ROBO2: variants seen among roughly 807,000 people sequenced by gnomAD.
ROBO2 encodes roundabout guidance receptor 2.
ROBO2 carries 53 observed loss-of-function variants against 160.8 expected under a neutral mutation model. The ratio of observed to expected loss-of-function variants is 0.33; its 90% CI spans 0.26 to 0.41. ROBO2 has a LOEUF of 0.41. Ranked by LOEUF, ROBO2 falls within the 10% of genes least tolerant of loss-of-function variation. The pLI, the probability that ROBO2 is intolerant of heterozygous loss-of-function variation, is 1.00. For missense variants in ROBO2, 1,577 were observed against 1,722.4 expected (o/e 0.92, Z 1.49); for synonymous variants, 664 against 611.7 (o/e 1.09, Z -1.26).
At chr3:76,400,115 C>G (rs1447886411) in intron 2 of ROBO2, among the ~76,000 whole-genome samples, 1 of 151,648 alleles carries the variant, frequency 6.6e-6, no homozygotes, top group African/African-American at 2.4e-5. Context: ...ATCTGTTTAG[C>G]TGGTACCCAT....
intron 2 of ROBO2, among the ~76,000 whole-genome samples, chr3:76,672,129 G>C (rs112568399): frequency 9.4e-4 from 143 of 152,132 alleles, no homozygotes; most frequent in African/African-American, 3.2e-3. Flanking sequence ...AGAAATCTTA[G>C]TGAGGGCCAG....
intron 2 of ROBO2, among the ~76,000 whole-genome samples, chr3:76,921,080 C>T (rs1438397239): frequency 6.6e-6 from 1 of 152,036 alleles, no homozygotes; most frequent in Non-Finnish European, 1.5e-5. Flanking sequence ...TTTAGTGAGT[C>T]CTTTCAAGCA....
intron 2 of ROBO2, among the ~76,000 whole-genome samples, chr3:76,181,663 G>C (rs1273178450): frequency 6.6e-6 from 1 of 151,938 alleles, no homozygotes; most frequent in East Asian, 1.9e-4. Flanking sequence ...TTTAGAAAAG[G>C]TTAAAAATTT....
At chr3:76,613,061 C>T (rs2088266762) in intron 2 of ROBO2, among the ~76,000 whole-genome samples, 2 of 152,034 alleles carry the variant, frequency 1.3e-5, no homozygotes, top group Admixed American at 6.6e-5. Context: ...ATTCATTCAG[C>T]CACTCTGTGT....
At chr3:77,054,734 T>C (rs760478616) in intron 1 of ROBO2, among the ~76,000 whole-genome samples, 3 of 152,012 alleles carry the variant, frequency 2.0e-5, no homozygotes, top group Non-Finnish European at 2.9e-5. Flanking sequence ...TAAAAACAAG[T>C]TAAGATGGGC....
chr3:76,320,479 TC>T (rs2072424794), intron 2 of ROBO2, among the ~76,000 whole-genome samples: 2 of 152,266 alleles, frequency 1.3e-5, no homozygotes, highest in South Asian at 2.1e-4. Context: ...CTCTGTAGAA[TC>T]CCTTCATATC....
chr3:76,549,574 T>C (rs988311680), intron 2 of ROBO2, among the ~76,000 whole-genome samples: 1 of 152,252 alleles, frequency 6.6e-6, no homozygotes, highest in Non-Finnish European at 1.5e-5. Context: ...GCAGAAAATA[T>C]GCCTGTACCT....
At chr3:76,301,603 T>C (rs1709360395) in intron 2 of ROBO2, among the ~76,000 whole-genome samples, 2 of 152,102 alleles carry the variant, frequency 1.3e-5, no homozygotes, top group African/African-American at 4.8e-5. Context: ...ATGTAGTAAG[T>C]GTTGTGGTGT....
chr3:77,387,443 A>C (rs1224488950), intron 2 of ROBO2, among the ~76,000 whole-genome samples: 1 of 152,096 alleles, frequency 6.6e-6, no homozygotes, highest in African/African-American at 2.4e-5. Context: ...TGTTGGGTCC[A>C]GTTGGTCTTA....
chr3:77,574,399 T>A (rs923866793), intron 13 of ROBO2, 100 bp from the exon 15 acceptor site: 15 of 967,324 alleles, frequency 1.6e-5, no homozygotes, highest in Non-Finnish European at 2.3e-5. Flanking sequence ...CAGTTGATAG[T>A]TATGAGGACA....
rs372732315 is a variant in ROBO2 at position 77,287,995 on chromosome 3, T to G, written c.389-189419T>G. ...GATCTTCATTGAATCACCCTAGATTTGATTAAAAGTAGATATTTCAGTGTA... is the reference window on the plus strand; with the variant it reads ...GATCTTCATTGAATCACCCTAGATTGGATTAAAAGTAGATATTTCAGTGTA... On this transcript the variant is annotated intron_variant, in intron 2 of 25. Coordinates refer to ENST00000461745, the Ensembl canonical transcript of ROBO2. Among the ~76,000 whole-genome samples, 18 of 152,298 alleles carry G rather than the reference T, an allele frequency of 1.2e-4. 1 individual carries two copies. Among genetic ancestry groups the G allele is most frequent in the African/African-American group, 4.3e-4 (18 of 41,574 alleles).
chr3:76,810,097 G>T (rs2065043541), intron 2 of ROBO2, among the ~76,000 whole-genome samples: 1 of 152,008 alleles, frequency 6.6e-6, no homozygotes, highest in Non-Finnish European at 1.5e-5. Flanking sequence ...TAGGAGATTA[G>T]AAGAATGGGG....
At chr3:76,655,785 G>A (rs2091491830) in intron 2 of ROBO2, among the ~76,000 whole-genome samples, 1 of 149,878 alleles carries the variant, frequency 6.7e-6, no homozygotes, top group African/African-American at 2.5e-5. Flanking sequence ...AGGAAGGGAT[G>A]AAGGGGGTCA....
At chr3:76,298,253 CA>C (rs1422986188) in intron 2 of ROBO2, among the ~76,000 whole-genome samples, 1 of 151,786 alleles carries the variant, frequency 6.6e-6, no homozygotes, top group Non-Finnish European at 1.5e-5. Flanking sequence ...ATGGATTGTA[CA>C]AGGGTGAGGG....
intron 2 of ROBO2, among the ~76,000 whole-genome samples, chr3:77,410,543 T>C (rs1466111796): frequency 9.7e-4 from 58 of 59,882 alleles, no homozygotes; most frequent in South Asian, 3.1e-3. Flanking sequence ...CCTCCTCTTC[T>C]TCCTCCTCTT....
At chr3:76,580,670 C>G (rs1338322116) in intron 2 of ROBO2, among the ~76,000 whole-genome samples, 1 of 151,918 alleles carries the variant, frequency 6.6e-6, no homozygotes, top group Non-Finnish European at 1.5e-5. Flanking sequence ...AATAGAGGCC[C>G]TTTATTTTAA....
intron 2 of ROBO2, among the ~76,000 whole-genome samples, chr3:76,274,968 T>C (rs1420552229): frequency 2.0e-5 from 3 of 152,182 alleles, no homozygotes; most frequent in Non-Finnish European, 4.4e-5. Flanking sequence ...ATTTGTGCCA[T>C]TGTAACTTGT....
intron 2 of ROBO2, among the ~76,000 whole-genome samples, chr3:77,435,053 A>G (rs919499755): frequency 1.3e-5 from 2 of 152,054 alleles, no homozygotes; most frequent in East Asian, 1.9e-4. Flanking sequence ...GTCTTTTGCC[A>G]TCAGTGAGAT....
rs182421820 is a variant in ROBO2, at chr3:77,450,213, A to C, written c.389-27201A>C. 1.0e-3 allele frequency among the ~76,000 whole-genome samples: 158 copies of C among 152,282 alleles called. 4 individuals carry two copies. In the East Asian group the frequency reaches 0.026, roughly 26 times the overall value. On this transcript the variant is annotated intron_variant, in intron 2 of 25. Coordinates refer to ENST00000461745, the Ensembl canonical transcript of ROBO2. ...AAATTGAGAATCCAGTTGTTAGAAT[A>C]TTCAAACTTACTTTTTTTACTTTGA...
Sources: allele counts gnomAD v4.1 joint callset (sites outside exome capture counted in the v4.1 genomes callset), GRCh38; gene constraint gnomAD v4.1.1; transcripts MANE v1.5; gene names NCBI Gene and HGNC (gene_info 2026-07-23, HGNC 2026-07-21).